The following RHBDD1 variants were observed in gnomAD, a reference collection of about 807,000 sequenced individuals.
RHBDD1 encodes the protein rhomboid-related protein 4.
Under a neutral mutation model 36.3 loss-of-function variants are expected in RHBDD1, and 38 were observed. The ratio of observed to expected loss-of-function variants is 1.05; its 90% confidence interval spans 0.81 to 1.37. RHBDD1 has a LOEUF of 1.37. Ranked by LOEUF, RHBDD1 falls within the 40% of genes most tolerant of loss-of-function variation. The probability of loss-of-function intolerance (pLI) is 0.00; values close to 1 mark genes in which losing one functional copy is unlikely to be tolerated. For synonymous variants in RHBDD1, 151 were observed against 136.5 expected, an observed-to-expected ratio of 1.11 and a Z score of -0.74; for missense variants, 393 against 377.6, an observed-to-expected ratio of 1.04 and a Z score of -0.34.
chr2:226,812,109 A>G, the RHBDD1 span, among the ~76,000 whole-genome samples: 1 of 152,242 alleles, frequency 6.6e-6, no homozygotes, highest in African/African-American at 2.4e-5. Context: ...TGTCACTTGC[A>G]ACTGAATGAG....
intron 5 of RHBDD1, among the ~76,000 whole-genome samples, chr2:226,898,541 G>A (rs1331334370): frequency 6.6e-6 from 1 of 152,146 alleles, no homozygotes; most frequent in Non-Finnish European, 1.5e-5. Flanking sequence ...GGACAAAGGT[G>A]CAGGGAGCAA....
At chr2:226,918,588 T>G (rs1048678116) in intron 8 of RHBDD1, among the ~76,000 whole-genome samples, 10 of 152,100 alleles carry the variant, frequency 6.6e-5, no homozygotes, top group African/African-American at 2.4e-4. Flanking sequence ...GCCTGGCTTA[T>G]TTTACTTAAC....
At chr2:226,978,276 G>A (rs1954947091) in intron 8 of RHBDD1, among the ~76,000 whole-genome samples, 1 of 151,896 alleles carries the variant, frequency 6.6e-6, no homozygotes, top group South Asian at 2.1e-4. Context: ...TTTTCTCCAT[G>A]TACCAATTAC....
At chr2:226,821,791 G>T in the RHBDD1 span, among the ~76,000 whole-genome samples, 30 of 152,060 alleles carry the variant, frequency 2.0e-4, no homozygotes, top group East Asian at 5.2e-3. Context: ...TTTGTATCTT[G>T]AAATTTTACC....
chr2:226,893,208 C>T (rs1010199229), intron 5 of RHBDD1, among the ~76,000 whole-genome samples: 4 of 152,188 alleles, frequency 2.6e-5, no homozygotes, highest in African/African-American at 9.7e-5. Context: ...AAAATACCTC[C>T]AAAAGACTGA....
chr2:226,937,547 A>C (rs1950408665), intron 8 of RHBDD1, among the ~76,000 whole-genome samples: 1 of 152,080 alleles, frequency 6.6e-6, no homozygotes, highest in South Asian at 2.1e-4. Context: ...CCCAGGTATT[A>C]AGCCTATAAT....
chr2:226,814,303 T>C, the RHBDD1 span, among the ~76,000 whole-genome samples: 1 of 151,946 alleles, frequency 6.6e-6, no homozygotes, highest in African/African-American at 2.4e-5. Flanking sequence ...AAGTATCCTC[T>C]TCCCTTGAGA....
In RHBDD1 at chr2:226,975,313, A is replaced by G. The variant is rs144046334; in HGVS notation, c.857-20118A>G. 2.0e-3 allele frequency among the ~76,000 whole-genome samples: 298 copies of G among 152,276 alleles called. 2 individuals carry two copies. Among genetic ancestry groups the G allele is most frequent in the African/African-American group, 6.7e-3 (279 of 41,554 alleles). The stretch of plus-strand genomic sequence containing the variant: ...CACACACACACACATCTATAAATAC[A>G]TATATAAAATCATCACGTTGTACAC... On this transcript the variant is annotated intron_variant, in intron 8 of 8. Coordinates refer to ENST00000392062, the MANE Select transcript of RHBDD1 (RefSeq NM_001167608.3).
At chr2:226,960,270 T>G (rs952075156) in intron 8 of RHBDD1, among the ~76,000 whole-genome samples, 1 of 152,236 alleles carries the variant, frequency 6.6e-6, no homozygotes. Context: ...GCCAATCAAG[T>G]CGATGGTAGT....
chr2:226,855,531 TA>T (rs1413046572), intron 3 of RHBDD1, among the ~76,000 whole-genome samples: 1 of 152,178 alleles, frequency 6.6e-6, no homozygotes, highest in African/African-American at 2.4e-5. Flanking sequence ...CTAGGTTTGA[TA>T]AATTAAAGTC....
chr2:226,917,238 T>A (rs534887588), intron 8 of RHBDD1, among the ~76,000 whole-genome samples: 83 of 152,092 alleles, frequency 5.5e-4, no homozygotes, highest in Non-Finnish European at 9.1e-4. Flanking sequence ...GATAGTAGTG[T>A]TGATTTTTCA....
intron 8 of RHBDD1, 38 bp downstream of exon 8, chr2:226,914,389 C>T: frequency 6.3e-7 from 1 of 1,591,732 alleles, no homozygotes; most frequent in Non-Finnish European, 8.6e-7. Context: ...TTAAAGCATA[C>T]CTCATGTGGT....
chr2:226,958,524 A>G (rs1387273247), intron 8 of RHBDD1, among the ~76,000 whole-genome samples: 1 of 152,206 alleles, frequency 6.6e-6, no homozygotes, highest in Non-Finnish European at 1.5e-5. Context: ...GTCCACTCTA[A>G]GTAGGCGAAT....
At chr2:226,905,703 T>G (rs1947999305) in intron 5 of RHBDD1, among the ~76,000 whole-genome samples, 1 of 152,180 alleles carries the variant, frequency 6.6e-6, no homozygotes, top group Non-Finnish European at 1.5e-5. Context: ...TTTTATTCAT[T>G]CAACACACAT....
intron 3 of RHBDD1, among the ~76,000 whole-genome samples, chr2:226,848,148 A>G (rs1942419301): frequency 6.6e-6 from 1 of 152,220 alleles, no homozygotes; most frequent in South Asian, 2.1e-4. Flanking sequence ...GACTGTGATA[A>G]CAATTACCAA....
intron 3 of RHBDD1, among the ~76,000 whole-genome samples, chr2:226,844,905 T>C (rs148353014): frequency 2.6e-5 from 4 of 152,372 alleles, no homozygotes; most frequent in African/African-American, 9.6e-5. Context: ...CAAAATCTGG[T>C]AATTTCATTT....
chr2:226,951,759 C>G (rs1404260831), intron 8 of RHBDD1, among the ~76,000 whole-genome samples: 1 of 152,164 alleles, frequency 6.6e-6, no homozygotes, highest in African/African-American at 2.4e-5. Context: ...TAAGATACAG[C>G]TCATGTCAAG....
chr2:226,890,107 C>T (rs1176502084), intron 5 of RHBDD1, among the ~76,000 whole-genome samples: 1 of 152,196 alleles, frequency 6.6e-6, no homozygotes, highest in Admixed American at 6.5e-5. Context: ...AGAGCACGTC[C>T]AAGTCTTCCA....
chr2:226,816,700 G>A, the RHBDD1 span, among the ~76,000 whole-genome samples: 7 of 152,034 alleles, frequency 4.6e-5, no homozygotes, highest in Admixed American at 1.3e-4. Flanking sequence ...GTTTGAGACC[G>A]GCCTGACCAA....
Sources: gnomAD v4.1 joint callset for allele counts (sites outside exome capture counted in the v4.1 genomes callset) on GRCh38, gnomAD v4.1.1 for gene constraint, MANE v1.5 for transcripts, NCBI Gene and HGNC (gene_info 2026-07-23, HGNC 2026-07-21) for gene names.